Variants in BRAF observed in about 807,000 individuals in gnomAD.
The protein encoded by BRAF is B-Raf proto-oncogene, serine/threonine kinase, also known as serine/threonine-protein kinase B-raf.
In BRAF, 16 loss-of-function variants were observed where a neutral mutation model predicts 104.6. That is an observed-to-expected ratio of 0.15 (90% confidence interval 0.10 to 0.23). BRAF has a LOEUF of 0.23. BRAF is among the 10% of genes least tolerant of loss of function. The pLI is 1.00. For synonymous variants in BRAF, 310 were observed against 341.6 expected, an observed-to-expected ratio of 0.91 and a Z score of 1.02; for missense variants, 541 against 937.3, an observed-to-expected ratio of 0.58 and a Z score of 5.52.
rs1247005741 is a variant in BRAF at position 140,814,724 on chromosome 7, TATATATAACATAATTTATATACA to T, written c.505-5752_505-5730del. On this transcript the variant is annotated intron_variant, in intron 3 of 19. Coordinates refer to ENST00000644969, the MANE Select transcript of BRAF (RefSeq NM_001374258.1). ...TACTTTATATATAATGTATATAATT[TATATATAACATAATTTATATACA>T]ATATATAACATATATATTATATATA... 1.3e-4 allele frequency among the ~76,000 whole-genome samples: 18 copies of T among 139,886 alleles called. No homozygotes were observed. In the South Asian group the frequency reaches 3.8e-3, roughly 29 times the overall value. 91.8% of individuals were successfully genotyped at this position (139,886 alleles called of 152,430 possible). A position where few individuals can be genotyped will look rare whatever the true frequency, so the allele number is the denominator to read the frequency against.
rs1034603754 is a variant in BRAF, at chr7:140,739,956, G to T, written c.2113-10C>A. On this transcript the variant is annotated splice_polypyrimidine_tract_variant and intron_variant, in intron 17 of 19. Coordinates refer to ENST00000644969, the MANE Select transcript of BRAF (RefSeq NM_001374258.1). ...CCACCATAAAAATTATCTGGAGAGA[G>T]AAAAAAAAGGGAAATAATTCAACCT... The T allele has an allele frequency of 1.9e-6, 3 of 1,605,664 alleles. No homozygotes were observed. The highest frequency in any genetic ancestry group is 2.7e-5 in the African/African-American group (2 of 73,970).
intron 17 of BRAF, among the ~76,000 whole-genome samples, chr7:140,747,939 ATGT>A (rs1361550415): frequency 1.3e-5 from 2 of 152,194 alleles, no homozygotes; most frequent in Non-Finnish European, 1.5e-5. Flanking sequence ...ATCCAAAGTC[ATGT>A]TGTTACACAC....
intron 18 of BRAF, 53 bp from the exon 18 acceptor site, chr7:140,734,823 AGAAAGAAAGAAAAAG>A: frequency 6.8e-7 from 1 of 1,481,408 alleles, no homozygotes; most frequent in Non-Finnish European, 8.9e-7. Context: ...AGAAAAAAAA[AGAAAGAAAGAAAAAG>A]AAAAAACAGA....
chr7:140,900,950 TG>T (rs1815561622), intron 1 of BRAF, among the ~76,000 whole-genome samples: 3 of 152,176 alleles, frequency 2.0e-5, no homozygotes, highest in African/African-American at 7.2e-5. Context: ...CTCCACAGGC[TG>T]GGCCTAAAAA....
intron 2 of BRAF, among the ~76,000 whole-genome samples, chr7:140,838,385 G>C (rs943668071): frequency 6.6e-6 from 1 of 152,076 alleles, no homozygotes; most frequent in African/African-American, 2.4e-5. Context: ...ATAAATATTT[G>C]TATTAGTAAT....
chr7:140,761,442 A>T (rs1363006112), intron 14 of BRAF, among the ~76,000 whole-genome samples: 1 of 152,158 alleles, frequency 6.6e-6, no homozygotes, highest in Non-Finnish European at 1.5e-5. Flanking sequence ...TCATGCCAAA[A>T]TGTAAAGACC....
intron 18 of BRAF, among the ~76,000 whole-genome samples, chr7:140,736,924 C>T (rs1316354759): frequency 5.3e-5 from 8 of 152,136 alleles, no homozygotes; most frequent in African/African-American, 1.9e-4. Context: ...GTGATAGGCA[C>T]CTGCAATCCC....
At chr7:140,856,244 G>A (rs1231380867) in intron 1 of BRAF, among the ~76,000 whole-genome samples, 1 of 151,698 alleles carries the variant, frequency 6.6e-6, no homozygotes, top group Admixed American at 6.6e-5. Flanking sequence ...TAATTGTTAC[G>A]AAAGGTGGGG....
chr7:140,763,248 A>G (rs1177524133), intron 14 of BRAF, among the ~76,000 whole-genome samples: 1 of 146,644 alleles, frequency 6.8e-6, no homozygotes, highest in Non-Finnish European at 1.5e-5. Flanking sequence ...TGACCCCCCA[A>G]CCTCCCTCCC....
chr7:140,769,797 A>G (rs1245692006), intron 14 of BRAF, among the ~76,000 whole-genome samples: 1 of 151,974 alleles, frequency 6.6e-6, no homozygotes, highest in Non-Finnish European at 1.5e-5. Flanking sequence ...CTGGTCTCAA[A>G]CTCCCGGCCT....
chr7:140,873,247 T>C (rs1289462568), intron 1 of BRAF, among the ~76,000 whole-genome samples: 1 of 145,926 alleles, frequency 6.9e-6, no homozygotes, highest in Non-Finnish European at 1.5e-5. Flanking sequence ...CTCGGCTCAC[T>C]GCAACCTCTG....
chr7:140,803,881 T>C (rs1803382453), intron 5 of BRAF, among the ~76,000 whole-genome samples: 1 of 152,150 alleles, frequency 6.6e-6, no homozygotes, highest in Non-Finnish European at 1.5e-5. Flanking sequence ...ATTTCATTAT[T>C]TGTTCTTTGC....
chr7:140,808,163 C>T, intron 4 of BRAF, 101 bp from the exon 5 acceptor site: 2 of 889,844 alleles, frequency 2.2e-6, no homozygotes, highest in East Asian at 2.5e-5. Flanking sequence ...GGGCTAGTAA[C>T]AGTGAGGGAG....
chr7:140,849,514 TAA>T (rs746301355), intron 2 of BRAF, among the ~76,000 whole-genome samples: 12 of 136,686 alleles, frequency 8.8e-5, no homozygotes, highest in Admixed American at 1.5e-4. Context: ...GCTTTCTCTT[TAA>T]AAAAAAAAAA....
intron 18 of BRAF, among the ~76,000 whole-genome samples, chr7:140,735,744 G>A (rs1419634489): frequency 1.3e-5 from 2 of 151,996 alleles, no homozygotes; most frequent in African/African-American, 2.4e-5. Flanking sequence ...TTTTAGCAGA[G>A]ACAGGGTTTC....
In BRAF at chr7:140,796,593, C is replaced by T. The variant is rs1432773572; in HGVS notation, c.981-2126G>A. On this transcript the variant is annotated intron_variant, in intron 7 of 19. Transcript: ENST00000644969. The stretch of plus-strand genomic sequence containing the variant: ...AATCTAAGACACTTCACTATCATAT[C>T]TAAAGAATGTATATATTAGAAAATG... Among the ~76,000 whole-genome samples, 8 of 152,042 alleles carry T rather than the reference C, an allele frequency of 5.3e-5. No homozygotes were observed. The East Asian group carries it at 1.2e-3, about 22-fold the overall frequency.
chr7:140,876,302 A>G, intron 1 of BRAF, among the ~76,000 whole-genome samples: 1 of 152,226 alleles, frequency 6.6e-6, no homozygotes, highest in East Asian at 1.9e-4. Context: ...AGTGATCACT[A>G]AAACTATATG....
chr7:140,923,259 T>C (rs185255328), intron 1 of BRAF, among the ~76,000 whole-genome samples: 141 of 152,196 alleles, frequency 9.3e-4, no homozygotes, highest in African/African-American at 3.3e-3. Flanking sequence ...TAATAGTAAG[T>C]AGCAAAGAGA....
At position 140,724,377 on chromosome 7, in the gene BRAF, A is replaced by T. The variant is rs913822455; in HGVS notation, c.*2117T>A. The T allele has an allele frequency of 9.5e-7, 1 of 1,055,102 alleles. No homozygotes were observed. Among genetic ancestry groups the T allele is most frequent in the Middle Eastern group, 4.3e-4 (1 of 2,346 alleles). 65.4% of individuals were successfully genotyped at this position (1,055,102 alleles called of 1,614,324 possible). A position where few individuals can be genotyped will look rare whatever the true frequency, so the allele number is the denominator to read the frequency against. On this transcript the variant is annotated 3_prime_UTR_variant, in exon 20 of 20. Transcript: ENST00000644969. ...TTTAAAAGCATCTAGAGATATATTT[A>T]AAAAGAAAAAACAGCCAATGCTTTT...
Sources: gnomAD v4.1 joint callset for allele counts (sites outside exome capture counted in the v4.1 genomes callset) on GRCh38, gnomAD v4.1.1 for gene constraint, MANE v1.5 for transcripts, NCBI Gene and HGNC (gene_info 2026-07-23, HGNC 2026-07-21) for gene names.